The following PALLD variants were observed in gnomAD, a reference collection of about 807,000 sequenced individuals.
PALLD encodes the protein palladin, cytoskeletal associated protein.
Under a neutral mutation model 123.5 loss-of-function variants are expected in PALLD, and 61 were observed. The ratio of observed to expected loss-of-function variants is 0.49; its 90% CI spans 0.40 to 0.61. The LOEUF (loss-of-function observed/expected upper bound fraction) is 0.61, where lower values mean the gene tolerates loss of function less well. PALLD is among the 20% of genes least tolerant of loss of function. PALLD has a pLI of 0.00. For synonymous variants in PALLD, 465 were observed against 496.4 expected (o/e 0.94, Z 0.84); for missense variants, 1,273 against 1,377.0 (o/e 0.92, Z 1.20).
At chr4:168,650,421 A>G (rs1777921977) in intron 2 of PALLD, among the ~76,000 whole-genome samples, 1 of 152,212 alleles carries the variant, frequency 6.6e-6, no homozygotes, top group Admixed American at 6.5e-5. Context: ...TGCGTCTAAC[A>G]TTCTTTTTAA....
At chr4:168,553,612 A>C (rs1260927109) in intron 2 of PALLD, among the ~76,000 whole-genome samples, 1 of 152,188 alleles carries the variant, frequency 6.6e-6, no homozygotes, top group Non-Finnish European at 1.5e-5. Flanking sequence ...AATTAGACTG[A>C]ACGTTTGTGT....
chr4:168,870,472 A>G (rs1750932981), intron 10 of PALLD, among the ~76,000 whole-genome samples: 1 of 152,204 alleles, frequency 6.6e-6, no homozygotes. Flanking sequence ...GAATGCCTTT[A>G]AAATCTTCTT....
intron 10 of PALLD, among the ~76,000 whole-genome samples, chr4:168,821,281 A>G (rs1217525235): frequency 6.6e-6 from 1 of 152,236 alleles, no homozygotes; most frequent in Admixed American, 6.5e-5. Flanking sequence ...TATGAAACAA[A>G]TAGTGCTAAG....
chr4:168,722,677 T>TA lies in PALLD; in HGVS notation c.1964+10757dup, dbSNP rs1170288000. 2.6e-5 allele frequency among the ~76,000 whole-genome samples: 4 copies of TA among 152,344 alleles called. No homozygotes were observed. The East Asian group carries it at 7.7e-4, about 29-fold the overall frequency. ...AGAACCCATTTGAATTTCAAGAGTG[T>TA]AAACCCACATTCAATTCAGTGAGCA... On this transcript the variant is annotated intron_variant, in intron 10 of 21. Coordinates refer to ENST00000505667, the MANE Select transcript of PALLD (RefSeq NM_001166108.2).
intron 10 of PALLD, among the ~76,000 whole-genome samples, chr4:168,882,778 C>T (rs1484821358): frequency 6.6e-6 from 1 of 152,180 alleles, no homozygotes; most frequent in African/African-American, 2.4e-5. Context: ...GTTGAAATGT[C>T]TCTGCCCCTG....
chr4:168,756,907 C>T (rs1473090278), intron 10 of PALLD, among the ~76,000 whole-genome samples: 3 of 151,960 alleles, frequency 2.0e-5, no homozygotes, highest in South Asian at 2.1e-4. Flanking sequence ...CATTAGAGGC[C>T]GAAGGTGAAA....
chr4:168,592,953 A>G lies in PALLD; in HGVS notation c.909-75237A>G, dbSNP rs545759868. ...GTCTAGAACCATCCCAAATAGTCAC[A>G]TGAATTAAGGCTTTGCTCCTGAGAT... On this transcript the variant is annotated intron_variant, in intron 2 of 21. Coordinates refer to ENST00000505667, the MANE Select transcript of PALLD (RefSeq NM_001166108.2). 9.2e-5 allele frequency among the ~76,000 whole-genome samples: 14 copies of G among 152,218 alleles called. No individual in the cohort carries two copies. In the South Asian group the frequency reaches 2.7e-3, roughly 29 times the overall value.
chr4:168,566,064 A>G (rs1308929153), intron 2 of PALLD, among the ~76,000 whole-genome samples: 1 of 152,178 alleles, frequency 6.6e-6, no homozygotes, highest in Non-Finnish European at 1.5e-5. Context: ...GTCAGAGATA[A>G]CATAGGATAA....
intron 10 of PALLD, among the ~76,000 whole-genome samples, chr4:168,768,368 C>T (rs946680401): frequency 6.6e-6 from 1 of 152,172 alleles, no homozygotes; most frequent in South Asian, 2.1e-4. Context: ...TGAATGTTCA[C>T]ATTAATTACC....
intron 2 of PALLD, among the ~76,000 whole-genome samples, chr4:168,530,344 G>A (rs747786719): frequency 6.6e-6 from 1 of 152,098 alleles, no homozygotes; most frequent in South Asian, 2.1e-4. Flanking sequence ...TGCATGTGTT[G>A]GACATTTATA....
intron 10 of PALLD, among the ~76,000 whole-genome samples, chr4:168,834,535 G>A (rs1489872198): frequency 2.0e-5 from 3 of 152,182 alleles, no homozygotes; most frequent in Non-Finnish European, 4.4e-5. Flanking sequence ...TCAGGAGTTC[G>A]AGACCAGCCT....
intron 10 of PALLD, among the ~76,000 whole-genome samples, chr4:168,881,217 C>T (rs1256432863): frequency 1.3e-5 from 2 of 152,120 alleles, no homozygotes; most frequent in Non-Finnish European, 2.9e-5. Flanking sequence ...TCTTAGTTTG[C>T]TTAATCATAC....
intron 2 of PALLD, among the ~76,000 whole-genome samples, chr4:168,555,580 A>G (rs1767197284): frequency 6.6e-6 from 1 of 152,196 alleles, no homozygotes; most frequent in African/African-American, 2.4e-5. Context: ...TGAGTATTAG[A>G]ATGAAAGATC....
intron 10 of PALLD, among the ~76,000 whole-genome samples, chr4:168,834,942 A>G (rs1032404696): frequency 3.9e-5 from 6 of 152,164 alleles, no homozygotes. Flanking sequence ...TGAAGCAACT[A>G]ATTATTCCTG....
intron 10 of PALLD, among the ~76,000 whole-genome samples, chr4:168,791,499 A>C (rs567114925): frequency 6.6e-6 from 1 of 152,186 alleles, no homozygotes; most frequent in East Asian, 1.9e-4. Context: ...GGGAGAAAAA[A>C]GCGCAGGAGG....
chr4:168,747,666 A>G (rs570657479), intron 10 of PALLD, among the ~76,000 whole-genome samples: 3 of 152,322 alleles, frequency 2.0e-5, no homozygotes, highest in African/African-American at 7.2e-5. Flanking sequence ...GGGACCTGCC[A>G]GTCACCTTGT....
At chr4:168,610,489 A>C (rs1027121129) in intron 2 of PALLD, among the ~76,000 whole-genome samples, 2 of 152,174 alleles carry the variant, frequency 1.3e-5, no homozygotes, top group African/African-American at 4.8e-5. Flanking sequence ...TGGGGAAGGC[A>C]ATGCATGCAG....
At chr4:168,701,994 G>C (rs1783718602) in intron 8 of PALLD, among the ~76,000 whole-genome samples, 1 of 152,178 alleles carries the variant, frequency 6.6e-6, no homozygotes, top group African/African-American at 2.4e-5. Flanking sequence ...GTTCCAATGT[G>C]TCTTATACCT....
intron 2 of PALLD, among the ~76,000 whole-genome samples, chr4:168,524,726 C>T (rs1176380759): frequency 6.6e-6 from 1 of 152,190 alleles, no homozygotes; most frequent in African/African-American, 2.4e-5. Flanking sequence ...AAGCAAACCT[C>T]ATGAATCGCT....
Sources: gnomAD v4.1 joint callset for allele counts (sites outside exome capture counted in the v4.1 genomes callset) on GRCh38, gnomAD v4.1.1 for gene constraint, MANE v1.5 for transcripts, NCBI Gene and HGNC (gene_info 2026-07-23, HGNC 2026-07-21) for gene names.